Variants in ITGA7 observed in about 807,000 individuals in gnomAD.
ITGA7 encodes integrin subunit alpha 7.
Under a neutral mutation model 131.6 loss-of-function variants are expected in ITGA7, and 84 were observed. The ratio of observed to expected loss-of-function variants is 0.64; its 90% CI spans 0.54 to 0.77. ITGA7 has a LOEUF of 0.77. ITGA7 is among the 30% of genes least tolerant of loss of function. The pLI is 0.00. For missense variants in ITGA7, 1,399 were observed against 1,482.9 expected, an observed-to-expected ratio of 0.94 and a Z score of 0.93; for synonymous variants, 548 against 600.7, an observed-to-expected ratio of 0.91 and a Z score of 1.28.
chr12:55,705,996 G>A (rs1442882508), intron 1 of ITGA7, among the ~76,000 whole-genome samples: 1 of 152,190 alleles, frequency 6.6e-6, no homozygotes, highest in African/African-American at 2.4e-5. Flanking sequence ...AGCACCCCCT[G>A]CTGGAGCAAA....
At chr12:55,692,769 G>A in intron 21 of ITGA7, 75 bp downstream of exon 21, 1 of 1,523,250 alleles carries the variant, frequency 6.6e-7, no homozygotes, top group Non-Finnish European at 8.9e-7. Context: ...AGACCATCAT[G>A]TGTCTCAACA....
At position 55,687,942 on chromosome 12, in the gene ITGA7, C is replaced by G. The variant is rs374110954; in HGVS notation, c.3183+29G>C. On this transcript the variant is annotated intron_variant, in intron 24 of 24. Transcript: ENST00000257879. ...GCTGCTCACCCAACCAGGAAGTCCA[C>G]CCCCATCAGCCCCACCTCCAAGCCT... 60 of 1,613,082 alleles carry G rather than the reference C, an allele frequency of 3.7e-5. No individual in the cohort carries two copies. The African/African-American group carries it at 7.6e-4, about 20-fold the overall frequency.
chr12:55,702,771 T>C (rs149314166), intron 3 of ITGA7, 101 bp downstream of exon 3: 2 of 980,904 alleles, frequency 2.0e-6, no homozygotes, highest in African/African-American at 1.6e-5. Context: ...ACCATATTCC[T>C]AACTTGTGTT....
intron 5 of ITGA7, 130 bp downstream of exon 5, chr12:55,699,740 C>A: frequency 8.1e-7 from 1 of 1,227,734 alleles, no homozygotes; most frequent in South Asian, 1.3e-5. Context: ...GCAATTTGGG[C>A]CCAATGTATG....
intron 21 of ITGA7, among the ~76,000 whole-genome samples, chr12:55,690,638 C>T (rs1413011964): frequency 1.4e-5 from 2 of 146,592 alleles, no homozygotes; most frequent in East Asian, 2.0e-4. Context: ...ACCCAAAGGA[C>T]TATAAATCAT....
chr12:55,709,491 C>G (rs191835457), upstream of ITGA7, among the ~76,000 whole-genome samples: 1 of 152,220 alleles, frequency 6.6e-6, no homozygotes, highest in Admixed American at 6.5e-5. Context: ...AGCACTAACA[C>G]ATCTCTAAAC....
Position 55,694,456 on chromosome 12 carries a change from G to T in ITGA7, c.2344C>A (p.Leu782Met). The change falls in exon 17 of 25, where the codon CTG becomes ATG. Residue 782 changes from leucine to methionine, a missense_variant. By Grantham distance (15) the Leu-to-Met change is conservative (BLOSUM62 2). Transcript: ENST00000257879. The surrounding 1 kb of genome is among the most constrained non-coding windows in gnomAD (Gnocchi z 5.3). ...SIETTELEVE[L>M]LLATISEQEL... ...CGCCTGGCTTACGTGGCCAACAGCA[G>T]CTCTACCTCCAGTTCCGTGGTCTCA... 1 of 1,614,204 alleles carries T rather than the reference G, an allele frequency of 6.2e-7. No homozygotes were observed.
rs574692933 is a variant in ITGA7, at chr12:55,692,740, A to T, written c.2844+104T>A. The T allele has an allele frequency of 5.6e-5, 79 of 1,420,936 alleles. 1 individual carries two copies. In the South Asian group the frequency reaches 8.4e-4, roughly 15 times the overall value. 88.0% of individuals were successfully genotyped at this position (1,420,936 alleles called of 1,614,324 possible). A position where few individuals can be genotyped will look rare whatever the true frequency, so the allele number is the denominator to read the frequency against. The stretch of plus-strand genomic sequence containing the variant: ...CCCTCCTATGAATTGTGATGGGAAC[A>T]TCTGGTCAACTTGCACCCAGACCAT... On this transcript the variant is annotated intron_variant, in intron 21 of 24. Transcript: ENST00000257879.
intron 24 of ITGA7, among the ~76,000 whole-genome samples, chr12:55,686,012 C>CT (rs1870036625): frequency 6.6e-6 from 1 of 152,232 alleles, no homozygotes; most frequent in Non-Finnish European, 1.5e-5. Flanking sequence ...ACCCTTTGTG[C>CT]ACGCCTCAGG....
At chr12:55,706,394 G>A (rs1875188779) in intron 1 of ITGA7, among the ~76,000 whole-genome samples, 1 of 152,166 alleles carries the variant, frequency 6.6e-6, no homozygotes. Flanking sequence ...AGCAAGTGAG[G>A]AGAAATGAGC....
At chr12:55,702,841 C>T (rs571463029) in intron 3 of ITGA7, 31 bp downstream of exon 3, 10 of 1,573,922 alleles carry the variant, frequency 6.4e-6, no homozygotes, top group East Asian at 4.5e-5. Context: ...ACACCCCATC[C>T]GTGCATTCAG....
upstream of ITGA7, chr12:55,707,926 CG>C: frequency 1.4e-6 from 2 of 1,383,802 alleles, no homozygotes; most frequent in South Asian, 1.5e-5. Flanking sequence ...CCTCCTCTCC[CG>C]GGGACGCCAC....
rs781434033 is a variant in ITGA7 at position 55,697,933 on chromosome 12, C to T, written c.1281+5G>A. 6.2e-7 allele frequency: 1 copy of T among 1,614,156 alleles called. No individual in the cohort carries two copies. The highest frequency in any genetic ancestry group is 1.7e-5 in the Admixed American group (1 of 60,022). On this transcript the variant is annotated splice_donor_5th_base_variant and intron_variant, in intron 8 of 24. Transcript: ENST00000257879. ...CCATTCCCTCATCCCAGCGACTCCC[C>T]TCACCTGTGAAGGTTTGGCGACAAC...
At chr12:55,700,442 C>T in intron 4 of ITGA7, 1 of 1,565,818 alleles carries the variant, frequency 6.4e-7, no homozygotes, top group Non-Finnish European at 8.6e-7. Flanking sequence ...AAGGAACACC[C>T]CTCAGGCCGG....
upstream of ITGA7, among the ~76,000 whole-genome samples, chr12:55,709,367 A>T (rs1460462186): frequency 6.6e-6 from 1 of 152,142 alleles, no homozygotes; most frequent in African/African-American, 2.4e-5. Context: ...AACAAAAAAA[A>T]AGTGGGTTCT....
chr12:55,716,395 CT>C (rs1876529679), upstream of ITGA7: 7 of 1,400,642 alleles, frequency 5.0e-6, no homozygotes, highest in Non-Finnish European at 5.5e-6. Context: ...TTGGGCAATA[CT>C]CCGGTCCCCT....
chr12:55,708,099 G>T, upstream of ITGA7: 3 of 936,440 alleles, frequency 3.2e-6, no homozygotes, highest in Non-Finnish European at 2.5e-6. Context: ...CTCCGCCCCT[G>T]CGCGGCGCTC....
At position 55,688,878 on chromosome 12, in the gene ITGA7, A is replaced by G. The variant is rs748642428; in HGVS notation, c.2924T>C (p.Val975Ala). ...GGTGCTGTTCCAGAGACGGCCCCAG[A>G]CATGCAGCACAGCCGCGCGGTCAAA... is the stretch of plus-strand genomic sequence containing the variant. The part of the protein sequence containing the change: ...YSFDRAAVLH[V>A]WGRLWNSTFL... The change falls in exon 22 of 25, where the codon GTC becomes GCC. Residue 975 changes from valine (V) to alanine (A), a missense_variant. Val to Ala is a moderately conservative substitution (Grantham distance 64, BLOSUM62 0). Transcript: ENST00000257879. 6.2e-6 allele frequency: 10 copies of G among 1,613,964 alleles called. No individual in the cohort carries two copies. In the East Asian group the frequency reaches 2.2e-4, roughly 36 times the overall value.
intron 21 of ITGA7, among the ~76,000 whole-genome samples, chr12:55,691,200 G>A (rs1181999085): frequency 1.3e-5 from 2 of 151,420 alleles, no homozygotes; most frequent in Non-Finnish European, 3.0e-5. Context: ...GTTAAGCAAA[G>A]TAAGCCAGAT....
Sources: gnomAD v4.1 joint callset for allele counts (sites outside exome capture counted in the v4.1 genomes callset) on GRCh38, gnomAD v4.1.1 for gene constraint, Gnocchi (gnomAD v3.1) non-coding constraint, MANE v1.5 for transcripts, NCBI Gene and HGNC (gene_info 2026-07-23, HGNC 2026-07-21) for gene names.